NTF3: variants seen among roughly 807,000 people sequenced by gnomAD.
NTF3 encodes the protein neurotrophin-3.
A neutral mutation model predicts 26.3 loss-of-function variants in NTF3; 8 were observed. That is an observed-to-expected ratio of 0.30 (90% confidence interval 0.18 to 0.55). NTF3 has a LOEUF of 0.55. Ranked by LOEUF, NTF3 falls within the 20% of genes least tolerant of loss-of-function variation. NTF3 has a pLI of 0.93. For missense variants in NTF3, 276 were observed against 352.9 expected (o/e 0.78, Z 1.75); for synonymous variants, 154 against 145.5 (o/e 1.06, Z -0.42).
chr12:5,438,507 G>A (rs1385004064), intron 1 of NTF3, among the ~76,000 whole-genome samples: 2 of 152,228 alleles, frequency 1.3e-5, no homozygotes, highest in Non-Finnish European at 2.9e-5. Flanking sequence ...GTGGTCTGTT[G>A]TGATTGCTCA....
At chr12:5,440,359 G>T (rs1940221774) in intron 1 of NTF3, among the ~76,000 whole-genome samples, 1 of 152,056 alleles carries the variant, frequency 6.6e-6, no homozygotes, top group Non-Finnish European at 1.5e-5. Context: ...TGATAGCCAG[G>T]TTCTTGCAAT....
intron 1 of NTF3, among the ~76,000 whole-genome samples, chr12:5,463,761 G>A (rs957843541): frequency 1.3e-5 from 2 of 152,144 alleles, no homozygotes; most frequent in Non-Finnish European, 2.9e-5. Context: ...TTAGATAACT[G>A]CATAGATGGT....
intron 1 of NTF3, among the ~76,000 whole-genome samples, chr12:5,443,027 C>T (rs963943174): frequency 6.6e-6 from 1 of 152,082 alleles, no homozygotes; most frequent in African/African-American, 2.4e-5. Flanking sequence ...GAAGGAGGAG[C>T]CCTTATAGGC....
Position 5,433,502 on chromosome 12 carries a change from CT to C in NTF3, c.18+1161del, listed in dbSNP as rs1389595295. Among the ~76,000 whole-genome samples the C allele has an allele frequency of 2.0e-5, 3 of 151,934 alleles. No individual in the cohort carries two copies. Among genetic ancestry groups the C allele is most frequent in the African/African-American group, 7.3e-5 (3 of 41,360 alleles). ...GGGGAGTAGGATTCTGCTTGTTGCT[CT>C]CCGCGGGAGTGGGTGCGCGTCCAGG... On this transcript the variant is annotated intron_variant, in intron 1 of 1. Transcript: ENST00000423158. The surrounding 1 kb of genome is among the most constrained non-coding windows in gnomAD (Gnocchi z 4.6).
intron 1 of NTF3, among the ~76,000 whole-genome samples, chr12:5,488,030 C>T (rs375705277): frequency 3.3e-5 from 5 of 152,130 alleles, no homozygotes; most frequent in Non-Finnish European, 7.3e-5. Flanking sequence ...TGCCACTACC[C>T]GAGAGGTGTG....
intron 1 of NTF3, among the ~76,000 whole-genome samples, chr12:5,470,604 G>A (rs915134134): frequency 5.9e-5 from 9 of 152,314 alleles, no homozygotes; most frequent in African/African-American, 2.2e-4. Flanking sequence ...TGCAGGGCAG[G>A]GGGCCATGCC....
Position 5,432,285 on chromosome 12 carries a change from T to C in NTF3, c.-40T>C. On this transcript the variant is annotated 5_prime_UTR_variant, in exon 1 of 2. Transcript: ENST00000423158. ...ATGACCGAGCTCGCGTCCACCTTTCTCTTCATGTCGACGTCCCTGGAAACG... is the reference window on the plus strand; with the variant it reads ...ATGACCGAGCTCGCGTCCACCTTTCCCTTCATGTCGACGTCCCTGGAAACG... The C allele has an allele frequency of 6.2e-7, 1 of 1,613,072 alleles. No individual in the cohort carries two copies. Among genetic ancestry groups the C allele is most frequent in the Non-Finnish European group, 8.5e-7 (1 of 1,179,524 alleles).
rs558706195 is a variant in NTF3, at chr12:5,441,967, C to T, written c.18+9625C>T. On this transcript the variant is annotated intron_variant, in intron 1 of 1. Transcript: ENST00000423158. ...ACAGGGAATCGGGTGTCATTGCATA[C>T]GCATTAGGATAACTCCTCGTTAGAC... 1.2e-4 allele frequency among the ~76,000 whole-genome samples: 19 copies of T among 152,300 alleles called. No homozygotes were observed. The South Asian group carries it at 2.9e-3, about 23-fold the overall frequency.
chr12:5,484,049 G>A (rs1940838854), intron 1 of NTF3, among the ~76,000 whole-genome samples: 1 of 152,194 alleles, frequency 6.6e-6, no homozygotes, highest in African/African-American at 2.4e-5. Context: ...GGACCCCTGT[G>A]CCTCCCCCAG....
intron 1 of NTF3, among the ~76,000 whole-genome samples, chr12:5,440,518 G>C (rs1435399385): frequency 6.6e-6 from 1 of 152,134 alleles, no homozygotes; most frequent in African/African-American, 2.4e-5. Context: ...TGCTTCTAAT[G>C]GTTCATAAGG....
chr12:5,462,872 T>C (rs1940541438), intron 1 of NTF3, among the ~76,000 whole-genome samples: 1 of 152,218 alleles, frequency 6.6e-6, no homozygotes, highest in African/African-American at 2.4e-5. Context: ...CTTAGCTTTT[T>C]GGTTCTCCAG....
intron 1 of NTF3, among the ~76,000 whole-genome samples, chr12:5,434,049 A>G (rs1439549300): frequency 6.6e-6 from 1 of 152,226 alleles, no homozygotes; most frequent in Non-Finnish European, 1.5e-5. Context: ...AAGTTGTAAC[A>G]TAGAGGAGAC....
intron 1 of NTF3, among the ~76,000 whole-genome samples, chr12:5,484,371 G>A (rs770600944): frequency 5.9e-5 from 9 of 152,164 alleles, no homozygotes; most frequent in Non-Finnish European, 1.2e-4. Flanking sequence ...TTGGTCTGGA[G>A]AAGAAATGAC....
At chr12:5,490,018 C>T (rs1591608835) in intron 1 of NTF3, among the ~76,000 whole-genome samples, 3 of 152,284 alleles carry the variant, frequency 2.0e-5, no homozygotes, top group East Asian at 1.9e-4. Context: ...ACATGCACGT[C>T]GGTCAGGATC....
At chr12:5,439,327 G>C (rs966971010) in intron 1 of NTF3, among the ~76,000 whole-genome samples, 2 of 152,228 alleles carry the variant, frequency 1.3e-5, no homozygotes, top group African/African-American at 4.8e-5. Context: ...GTTATGTGAG[G>C]TTAAGGGGTA....
In NTF3 at chr12:5,456,473, A is replaced by G. The variant is rs1940450469; in HGVS notation, c.18+24131A>G. ...AGCCAAGAGTACTTAATCCATCCCC[A>G]CTTGTGGGGCCAACGGCACCTAACC... On this transcript the variant is annotated intron_variant, in intron 1 of 1. Transcript: ENST00000423158. This position sits in a 1 kb window ranked among gnomAD's most constrained non-coding sequence, Gnocchi z 4.4. Among the ~76,000 whole-genome samples the G allele has an allele frequency of 6.6e-6, 1 of 151,956 alleles. No individual in the cohort carries two copies. The highest frequency in any genetic ancestry group is 1.5e-5 in the Non-Finnish European group (1 of 68,002).
intron 1 of NTF3, among the ~76,000 whole-genome samples, chr12:5,488,348 G>A (rs895349596): frequency 6.6e-6 from 1 of 152,118 alleles, no homozygotes. Context: ...CCCTTTGAGC[G>A]TCATCTGTGC....
intron 1 of NTF3, among the ~76,000 whole-genome samples, chr12:5,476,464 A>G (rs1940724698): frequency 6.6e-6 from 1 of 152,182 alleles, no homozygotes; most frequent in Non-Finnish European, 1.5e-5. Flanking sequence ...TGAGAACATC[A>G]ATTTGCTGGG....
chr12:5,451,021 A>G (rs1160564581), intron 1 of NTF3, among the ~76,000 whole-genome samples: 1 of 152,198 alleles, frequency 6.6e-6, no homozygotes, highest in Non-Finnish European at 1.5e-5. Context: ...GAGTCCAGAC[A>G]GCCCTAACCA....
Sources: gnomAD v4.1 joint callset for allele counts (sites outside exome capture counted in the v4.1 genomes callset) on GRCh38, gnomAD v4.1.1 for gene constraint, Gnocchi (gnomAD v3.1) non-coding constraint, MANE v1.5 for transcripts, NCBI Gene and HGNC (gene_info 2026-07-23, HGNC 2026-07-21) for gene names.